Variants in AFAP1 observed in about 807,000 individuals in gnomAD.
AFAP1 encodes the protein actin filament associated protein 1.
AFAP1 carries 75 observed loss-of-function variants against 93.9 expected under a neutral mutation model. The observed-to-expected ratio is 0.80, with a 90% CI of 0.66 to 0.97. The LOEUF (loss-of-function observed/expected upper bound fraction) is 0.97. Among genes scored for constraint, AFAP1 ranks in the 50% least tolerant of loss-of-function variants. The pLI is 0.00. For synonymous variants in AFAP1, 517 were observed against 430.7 expected, an observed-to-expected ratio of 1.20 and a Z score of -2.48; for missense variants, 1,201 against 1,050.8, an observed-to-expected ratio of 1.14 and a Z score of -1.98.
At chr4:7,882,207 T>C (rs547792841) in intron 1 of AFAP1, among the ~76,000 whole-genome samples, 14 of 149,030 alleles carry the variant, frequency 9.4e-5, no homozygotes, top group South Asian at 2.1e-4. Flanking sequence ...CTAGGTTAAA[T>C]AGATAATTCA....
At chr4:7,911,677 C>A (rs1223158174) in intron 1 of AFAP1, among the ~76,000 whole-genome samples, 1 of 152,158 alleles carries the variant, frequency 6.6e-6, no homozygotes, top group Non-Finnish European at 1.5e-5. Context: ...AGTATTAGAA[C>A]CAGGATATAA....
chr4:7,873,342 CTTTTTTTTTTTT>C (rs1158765422), intron 1 of AFAP1, among the ~76,000 whole-genome samples: 1 of 50,998 alleles, frequency 2.0e-5, no homozygotes, highest in South Asian at 1.1e-3. Context: ...GAAGACACAC[CTTTTTTTTTTTT>C]TTTTTTTTTT....
intron 1 of AFAP1, among the ~76,000 whole-genome samples, chr4:7,897,052 A>G (rs1388377442): frequency 6.6e-6 from 1 of 151,730 alleles, no homozygotes; most frequent in Non-Finnish European, 1.5e-5. Context: ...TCTTCTCCTA[A>G]TTCTATCCAC....
chr4:7,876,863 T>A (rs75255576), intron 1 of AFAP1, among the ~76,000 whole-genome samples: 16,070 of 152,242 alleles, frequency 0.11, 1,025 homozygotes, highest in East Asian at 0.26. Flanking sequence ...CAGACAGTTG[T>A]AATTGTTAGA....
rs16841410 is a variant in AFAP1 at position 7,916,797 on chromosome 4, G to C, written c.-3+22859C>G. On this transcript the variant is annotated intron_variant, in intron 1 of 17. Transcript: ENST00000420658. Reference sequence around the variant, plus strand: ...AGGGATGTTGCAAGGTTTGTCCAGAGACCTCCTCTTCATGCCCTCTCTCCC... The same window carrying C: ...AGGGATGTTGCAAGGTTTGTCCAGACACCTCCTCTTCATGCCCTCTCTCCC... Among the ~76,000 whole-genome samples, 1,341 of 152,286 alleles carry C rather than the reference G, an allele frequency of 8.8e-3. 29 individuals are homozygous for C. The highest frequency in any genetic ancestry group is 0.031 in the African/African-American group (1,271 of 41,552).
chr4:7,914,174 C>T (rs907051322), intron 1 of AFAP1, among the ~76,000 whole-genome samples: 1 of 152,070 alleles, frequency 6.6e-6, no homozygotes, highest in Admixed American at 6.6e-5. Flanking sequence ...CCTGCCTCAG[C>T]TTCCCTGGTA....
rs144525089 is a variant in AFAP1, at chr4:7,826,709, G to GT, written c.727-7539dup. 2.3e-3 allele frequency among the ~76,000 whole-genome samples: 347 copies of GT among 152,340 alleles called. 1 individual carries two copies. The highest frequency in any genetic ancestry group is 8.0e-3 in the African/African-American group (331 of 41,578). Reference sequence around the variant, plus strand: ...CAATGGTTTGGAAGGCAGTAGGGGAGTGAGAGTGAGGCAAGGTGAAGCTGC... The same window carrying GT: ...CAATGGTTTGGAAGGCAGTAGGGGAGTTGAGAGTGAGGCAAGGTGAAGCTGC... On this transcript the variant is annotated intron_variant, in intron 6 of 17. Transcript: ENST00000420658.
chr4:7,787,206 C>A (rs953989784), intron 11 of AFAP1, among the ~76,000 whole-genome samples: 1 of 152,232 alleles, frequency 6.6e-6, no homozygotes, highest in African/African-American at 2.4e-5. Context: ...GTTCCCGGAG[C>A]TTCTGGACTG....
intron 1 of AFAP1, among the ~76,000 whole-genome samples, chr4:7,931,992 C>G (rs1248896041): frequency 1.3e-5 from 2 of 152,112 alleles, no homozygotes; most frequent in African/African-American, 4.8e-5. Context: ...TCCTGAGTAG[C>G]TGGGACTACA....
chr4:7,839,833 G>A (rs1022305886), intron 5 of AFAP1, among the ~76,000 whole-genome samples: 11 of 152,278 alleles, frequency 7.2e-5, no homozygotes, highest in Admixed American at 5.9e-4. Flanking sequence ...GCAGATCTGG[G>A]TCCTAGATCT....
At chr4:7,791,971 G>A (rs766949203) in intron 11 of AFAP1, among the ~76,000 whole-genome samples, 5 of 152,170 alleles carry the variant, frequency 3.3e-5, no homozygotes, top group Non-Finnish European at 2.9e-5. Context: ...AAGTGGCAGA[G>A]TGTTCACATG....
chr4:7,816,662 C>A (rs536255053), intron 7 of AFAP1, among the ~76,000 whole-genome samples: 1 of 152,198 alleles, frequency 6.6e-6, no homozygotes, highest in African/African-American at 2.4e-5. Flanking sequence ...TAGGATTCCA[C>A]GTCAGTATCT....
chr4:7,764,000 C>T (rs944494899), intron 17 of AFAP1, among the ~76,000 whole-genome samples: 8 of 152,156 alleles, frequency 5.3e-5, no homozygotes, highest in South Asian at 2.1e-4. Context: ...TACCACACAC[C>T]CCGTTCACAG....
rs143249636 is a variant in AFAP1, at chr4:7,872,053, C to G, written c.26G>C (p.Arg9Pro). The change falls in exon 2 of 18, where the codon CGT (arginine) becomes CCT (proline). Residue 9 changes from arginine to proline, a missense_variant. Physicochemically the swap from Arg to Pro is moderately radical, Grantham distance 103 (BLOSUM62 -2). Transcript: ENST00000420658. MEELIVELRLFLELLDHEY... is the reference protein window; with the variant it reads MEELIVELPLFLELLDHEY... ...ATGGTCCAGGAGTTCAAGAAAGAGA[C>G]GAAGTTCAACTATTAACTCTTCCAT... The G allele has an allele frequency of 3.7e-6, 6 of 1,613,858 alleles. No homozygotes were observed. In the East Asian group the frequency reaches 8.9e-5, roughly 24 times the overall value.
intron 10 of AFAP1, chr4:7,799,292 G>T (rs985924222): frequency 6.5e-6 from 1 of 153,576 alleles, no homozygotes; most frequent in Non-Finnish European, 1.4e-5. Flanking sequence ...CCTGAGCCCT[G>T]CAGGAAAAAG....
chr4:7,803,728 A>T (rs1250923249), intron 9 of AFAP1, among the ~76,000 whole-genome samples: 1 of 152,264 alleles, frequency 6.6e-6, no homozygotes, highest in Non-Finnish European at 1.5e-5. Context: ...TCCCTGACAG[A>T]ATCTGGCCAA....
At chr4:7,925,329 C>T (rs1649758250) in intron 1 of AFAP1, among the ~76,000 whole-genome samples, 1 of 152,176 alleles carries the variant, frequency 6.6e-6, no homozygotes, top group Non-Finnish European at 1.5e-5. Flanking sequence ...CCCCACCAAC[C>T]AGGGAAGGAA....
At chr4:7,838,085 A>G (rs1025832579) in intron 6 of AFAP1, among the ~76,000 whole-genome samples, 4 of 152,228 alleles carry the variant, frequency 2.6e-5, no homozygotes, top group African/African-American at 9.6e-5. Flanking sequence ...AGTCTAACAT[A>G]TATTTAAATG....
chr4:7,902,656 G>A (rs901055446), intron 1 of AFAP1, among the ~76,000 whole-genome samples: 4 of 152,260 alleles, frequency 2.6e-5, no homozygotes, highest in Middle Eastern at 3.4e-3. Flanking sequence ...TTCATCTGCT[G>A]GGCTTTTTCT....
Sources: gnomAD v4.1 joint callset for allele counts (sites outside exome capture counted in the v4.1 genomes callset) on GRCh38, gnomAD v4.1.1 for gene constraint, MANE v1.5 for transcripts, NCBI Gene and HGNC (gene_info 2026-07-23, HGNC 2026-07-21) for gene names.